CUX1: variants seen among roughly 807,000 people sequenced by gnomAD.
CUX1 encodes protein CASP.
Under a neutral mutation model 158.8 loss-of-function variants are expected in CUX1, and 31 were observed. That is an observed-to-expected ratio of 0.20 (90% confidence interval 0.15 to 0.26). The LOEUF is 0.26. CUX1 is among the 10% of genes least tolerant of loss of function. The probability of loss-of-function intolerance (pLI) is 1.00; values close to 1 mark genes in which losing one functional copy is unlikely to be tolerated. For synonymous variants in CUX1, 879 were observed against 862.1 expected, an observed-to-expected ratio of 1.02 and a Z score of -0.34; for missense variants, 1,589 against 2,014.6, an observed-to-expected ratio of 0.79 and a Z score of 4.04.
chr7:101,828,938 C>G (rs1793685852), intron 1 of CUX1, among the ~76,000 whole-genome samples: 1 of 151,658 alleles, frequency 6.6e-6, no homozygotes, highest in Admixed American at 6.6e-5. Flanking sequence ...AGGGGTGTGC[C>G]CCCTTTGGGA....
intron 23 of CUX1, among the ~76,000 whole-genome samples, chr7:102,247,473 T>C (rs1456679269): frequency 6.6e-6 from 1 of 152,172 alleles, no homozygotes; most frequent in Non-Finnish European, 1.5e-5. Context: ...AATAGGACCT[T>C]GCCTTTCTCA....
intron 2 of CUX1, among the ~76,000 whole-genome samples, chr7:101,949,391 A>G (rs1195598374): frequency 6.6e-6 from 1 of 152,020 alleles, no homozygotes; most frequent in Non-Finnish European, 1.5e-5. Context: ...AGGCCTCCCA[A>G]AATGCCGGGA....
chr7:101,965,571 G>C (rs1372208676), intron 2 of CUX1, among the ~76,000 whole-genome samples: 1 of 152,110 alleles, frequency 6.6e-6, no homozygotes, highest in African/African-American at 2.4e-5. Context: ...GACTTGGCCA[G>C]GCGCGGTGGC....
At chr7:102,139,244 TAA>T (rs11459794) in intron 8 of CUX1, among the ~76,000 whole-genome samples, 13 of 93,166 alleles carry the variant, frequency 1.4e-4, no homozygotes, top group African/African-American at 2.2e-4. Context: ...GACTACATCT[TAA>T]AAAAAAAAAA....
chr7:102,018,771 A>T (rs1270132674), intron 2 of CUX1, among the ~76,000 whole-genome samples: 1 of 152,108 alleles, frequency 6.6e-6, no homozygotes, highest in African/African-American at 2.4e-5. Context: ...ATCTCTCAGT[A>T]TTGACTGTGT....
rs1158278343 is a variant in CUX1 at position 102,216,669 on chromosome 7, TCACA to T, written c.3131-10688_3131-10685del. 1.6e-3 allele frequency among the ~76,000 whole-genome samples: 25 copies of T among 15,840 alleles called. No individual in the cohort carries two copies. The South Asian group carries it at 0.054, about 34-fold the overall frequency. The allele number at this position is 15,840 out of a possible 152,430, so 10.4% of individuals were successfully genotyped here. A position where few individuals can be genotyped will look rare whatever the true frequency, so the allele number is the denominator to read the frequency against. ...CACACACACACTCTCCCACACACAC[TCACA>T]CACACACACTCCCCCACACACACTC... On this transcript the variant is annotated intron_variant, in intron 20 of 23. Coordinates refer to ENST00000292535, the MANE Select transcript of CUX1 (RefSeq NM_181552.4).
intron 2 of CUX1, among the ~76,000 whole-genome samples, chr7:101,946,333 G>A (rs1291091005): frequency 6.6e-6 from 1 of 152,140 alleles, no homozygotes; most frequent in East Asian, 1.9e-4. Context: ...GAGGTCAGGA[G>A]TTCATTTTGA....
chr7:101,919,209 T>TG lies in CUX1; in HGVS notation c.141+2992dup, dbSNP rs201051459. Among the ~76,000 whole-genome samples the TG allele has an allele frequency of 9.6e-3, 1,452 of 151,174 alleles. 24 individuals are homozygous for TG. Among genetic ancestry groups the TG allele is most frequent in the African/African-American group, 0.033 (1,339 of 41,154 alleles). On this transcript the variant is annotated intron_variant, in intron 2 of 23. Coordinates refer to ENST00000292535, the MANE Select transcript of CUX1 (RefSeq NM_181552.4). ...CCCTGTGACAGCAGGTGTGTGTGTGTGGGGGGGGAGCTGTGACAGTACGTG... is the reference window on the plus strand; with the variant it reads ...CCCTGTGACAGCAGGTGTGTGTGTGTGGGGGGGGGAGCTGTGACAGTACGTG...
intron 4 of CUX1, among the ~76,000 whole-genome samples, chr7:102,074,945 G>C (rs1336202407): frequency 6.6e-6 from 1 of 152,174 alleles, no homozygotes; most frequent in Non-Finnish European, 1.5e-5. Flanking sequence ...TGCAACCTCT[G>C]CCTTCTGGGT....
intron 2 of CUX1, among the ~76,000 whole-genome samples, chr7:102,002,304 A>G (rs1816774329): frequency 6.6e-6 from 1 of 152,198 alleles, no homozygotes; most frequent in Non-Finnish European, 1.5e-5. Context: ...TGTCTCAGAA[A>G]GAAAAAATAA....
intron 8 of CUX1, among the ~76,000 whole-genome samples, chr7:102,127,236 T>C (rs1832737056): frequency 6.6e-6 from 1 of 152,210 alleles, no homozygotes; most frequent in Admixed American, 6.5e-5. Context: ...AGATAGGGTC[T>C]CACCCTGTCA....
chr7:101,902,019 T>C (rs1373206337), intron 1 of CUX1, among the ~76,000 whole-genome samples: 1 of 152,216 alleles, frequency 6.6e-6, no homozygotes, highest in Non-Finnish European at 1.5e-5. Context: ...AGCTATTCCT[T>C]TTGGCAGTGG....
intron 3 of CUX1, among the ~76,000 whole-genome samples, chr7:102,068,480 G>T (rs1825793985): frequency 1.3e-5 from 2 of 151,892 alleles, no homozygotes; most frequent in African/African-American, 4.8e-5. Context: ...CCAAACAATT[G>T]ACTTCAAATT....
chr7:101,888,048 T>C (rs1231472247), intron 1 of CUX1, among the ~76,000 whole-genome samples: 1 of 152,154 alleles, frequency 6.6e-6, no homozygotes, highest in Non-Finnish European at 1.5e-5. Context: ...ATAAACATTA[T>C]TGAGGCCGGG....
chr7:101,902,490 T>G (rs1235961167), intron 1 of CUX1, among the ~76,000 whole-genome samples: 1 of 152,200 alleles, frequency 6.6e-6, no homozygotes, highest in Non-Finnish European at 1.5e-5. Flanking sequence ...AATTTTAAAT[T>G]TAACTTAGAT....
At chr7:102,041,089 C>A (rs961909987) in intron 3 of CUX1, among the ~76,000 whole-genome samples, 1 of 151,632 alleles carries the variant, frequency 6.6e-6, no homozygotes, top group South Asian at 2.1e-4. Flanking sequence ...GAGTTCAAGA[C>A]CAGCCTGGCC....
chr7:102,154,921 A>G (rs1044786424), intron 8 of CUX1, among the ~76,000 whole-genome samples: 3 of 152,210 alleles, frequency 2.0e-5, no homozygotes, highest in African/African-American at 7.2e-5. Flanking sequence ...ACCAGTCCCC[A>G]TCCACCTCCC....
chr7:102,171,805 T>C (rs1416393855), intron 10 of CUX1, among the ~76,000 whole-genome samples: 4 of 152,204 alleles, frequency 2.6e-5, no homozygotes, highest in African/African-American at 9.7e-5. Flanking sequence ...AACCTCAGTT[T>C]TCCCATGTGT....
intron 3 of CUX1, among the ~76,000 whole-genome samples, chr7:102,062,555 G>C (rs940922709): frequency 5.9e-5 from 9 of 152,142 alleles, no homozygotes; most frequent in Non-Finnish European, 1.2e-4. Flanking sequence ...CTGTCACCCA[G>C]GCTGGAGTGC....
Sources: allele counts gnomAD v4.1 joint callset (sites outside exome capture counted in the v4.1 genomes callset), GRCh38; gene constraint gnomAD v4.1.1; transcripts MANE v1.5; gene names NCBI Gene and HGNC (gene_info 2026-07-23, HGNC 2026-07-21).